Variants in TPCN2 observed in about 807,000 individuals in gnomAD.
TPCN2 encodes two pore channel protein 2.
TPCN2 carries 92 observed loss-of-function variants against 111.4 expected under a neutral mutation model. That is an observed-to-expected ratio of 0.83 (90% CI 0.70 to 0.98). The LOEUF (loss-of-function observed/expected upper bound fraction) is 0.98. Ranked by LOEUF, TPCN2 falls within the 50% of genes least tolerant of loss-of-function variation. The pLI is 0.00. For synonymous variants in TPCN2, 405 were observed against 414.5 expected, an observed-to-expected ratio of 0.98 and a Z score of 0.28; for missense variants, 995 against 980.1, an observed-to-expected ratio of 1.02 and a Z score of -0.20.
chr11:69,089,938 A>G lies in TPCN2; in HGVS notation c.*1985A>G, dbSNP rs1856389723. 1 of 152,092 alleles carries G rather than the reference A, an allele frequency of 6.6e-6. No homozygotes were observed. Among genetic ancestry groups the G allele is most frequent in the Non-Finnish European group, 1.5e-5 (1 of 68,028 alleles). The allele number at this position is 152,092 out of a possible 1,614,324, so 9.4% of individuals were successfully genotyped here. A position where few individuals can be genotyped will look rare whatever the true frequency, so the allele number is the denominator to read the frequency against. ...TGTGTTTTTTTTGTTATGTACCTAC[A>G]GTTCTTTAGCTGTTTCTTTACTTTC... On this transcript the variant is annotated 3_prime_UTR_variant, in exon 25 of 25. Coordinates refer to ENST00000294309, the MANE Select transcript of TPCN2 (RefSeq NM_139075.4).
chr11:69,057,610 A>T lies in TPCN2; in HGVS notation c.462A>T (p.Lys154Asn). 6.2e-7 allele frequency: 1 copy of T among 1,614,010 alleles called. No homozygotes were observed. The highest frequency in any genetic ancestry group is 1.3e-5 in the African/African-American group (1 of 74,982). The part of the protein sequence containing the change: ...GYLFGWAHFQ[K>N]NLWLLGYLVV... ...TGTTCGGGTGGGCCCATTTCCAGAA[A>T]AACCTTTGGCTGCTGGGCTACCTCG... Residue 154 changes from lysine (K) to asparagine (N), a missense_variant, in exon 5 of 25, where the codon AAA becomes AAT. By Grantham distance (94) the Lys-to-Asn change is moderately conservative. Transcript: ENST00000294309.
chr11:69,078,706 C>T (rs201153208), intron 14 of TPCN2, 28 bp from the exon 15 acceptor site: 28 of 1,613,544 alleles, frequency 1.7e-5, no homozygotes, highest in Admixed American at 8.3e-5. Context: ...CTGGGCCAGC[C>T]GGCGAGCCCT....
rs1590704112 is a variant in TPCN2 at position 69,054,761 on chromosome 11, G to A, written c.215G>A (p.Trp72Ter). The A allele has an allele frequency of 6.2e-7, 1 of 1,614,192 alleles. No homozygotes were observed. Among genetic ancestry groups the A allele is most frequent in the East Asian group, 2.2e-5 (1 of 44,884 alleles). The stretch of plus-strand genomic sequence containing the variant: ...CACCGGGTGGATGCCAGCTCGATGT[G>A]GCTTTACCGACGGTATTACTCGAAC... ...INHRVDASSM[W>*]LYRRYYSNVC... The change falls in exon 3 of 25, where the codon TGG (tryptophan) becomes TAG (stop). Residue 72 changes from tryptophan (W) to a stop codon, truncating the protein, a stop_gained. Transcript: ENST00000294309. LOFTEE classifies it high-confidence loss of function.
At chr11:69,060,540 C>T (rs189955173) in intron 5 of TPCN2, among the ~76,000 whole-genome samples, 255 of 152,356 alleles carry the variant, frequency 1.7e-3, no homozygotes, top group Middle Eastern at 3.4e-3. Context: ...GGTTTTTCCT[C>T]AAGGCCTTGG....
Position 69,049,066 on chromosome 11 carries a change from G to C in TPCN2, c.69G>C (p.Pro23=). Residue 23 remains proline (P), a synonymous_variant, in exon 1 of 25, where the codon CCG becomes CCC. Transcript: ENST00000294309. ...CCCGCGGCGGTGGCGGCGACTGGCC[G>C]GCGGGGCTGACCACTTACCGCAGCA... The part of the protein sequence containing the change: ...GGARGGGGDW[P]AGLTTYRSIQ... 5 of 1,242,692 alleles carry C rather than the reference G, an allele frequency of 4.0e-6. No individual in the cohort carries two copies. Among genetic ancestry groups the C allele is most frequent in the Non-Finnish European group, 5.1e-6 (5 of 988,586 alleles). 77.0% of individuals were successfully genotyped at this position (1,242,692 alleles called of 1,614,324 possible).
chr11:69,081,180 C>T (rs549277104), intron 17 of TPCN2, among the ~76,000 whole-genome samples: 3 of 152,142 alleles, frequency 2.0e-5, no homozygotes, highest in Admixed American at 6.5e-5. Flanking sequence ...GGATGGGGGT[C>T]GCTCCGGGGC....
At chr11:69,054,311 G>T in intron 2 of TPCN2, 1 of 591,664 alleles carries the variant, frequency 1.7e-6, no homozygotes. Context: ...GATGCACCGT[G>T]TTCTGAGGCC....
chr11:69,070,429 G>C lies in TPCN2; in HGVS notation c.830-1G>C. The C allele has an allele frequency of 2.5e-6, 4 of 1,610,886 alleles. No homozygotes were observed. Among genetic ancestry groups the C allele is most frequent in the Non-Finnish European group, 3.4e-6 (4 of 1,178,650 alleles). On this transcript the variant is annotated splice_acceptor_variant, in intron 8 of 24. Coordinates refer to ENST00000294309, the MANE Select transcript of TPCN2 (RefSeq NM_139075.4). LOFTEE classifies it high-confidence loss of function. ...TTTCTGTTATTTCTTTTTTCTTTTA[G>C]TGATGATTCCTGCGTATTCCAAGAA...
At chr11:69,074,395 C>T (rs1855665179) in intron 13 of TPCN2, among the ~76,000 whole-genome samples, 1 of 152,256 alleles carries the variant, frequency 6.6e-6, no homozygotes, top group African/African-American at 2.4e-5. Context: ...CGCCATCAAA[C>T]CTCTGTTTGG....
At chr11:69,081,349 C>T in intron 17 of TPCN2, 51 bp from the exon 18 acceptor site, 1 of 1,333,980 alleles carries the variant, frequency 7.5e-7, no homozygotes, top group South Asian at 1.3e-5. Context: ...TTGTCTCCTC[C>T]CTGTGGGGCT....
In TPCN2 at chr11:69,083,989, C is replaced by G. The variant is rs1226255254; in HGVS notation, c.1734C>G (p.Asn578Lys). The change falls in exon 19 of 25, where the codon AAC becomes AAG. Residue 578 changes from asparagine (N) to lysine (K), a missense_variant. Asn to Lys is a moderately conservative substitution (Grantham distance 94). Coordinates refer to ENST00000294309, the MANE Select transcript of TPCN2 (RefSeq NM_139075.4). The stretch of plus-strand genomic sequence containing the variant: ...GTACCGTCCTGGGCCTGGTGCAGAA[C>G]ATGCGTGCGTTTGGCGGGATCCTGG... ...VASTVLGLVQNMRAFGGILVV... is the reference protein window; with the variant it reads ...VASTVLGLVQKMRAFGGILVV... 6.2e-7 allele frequency: 1 copy of G among 1,614,168 alleles called. No individual in the cohort carries two copies. The highest frequency in any genetic ancestry group is 1.3e-5 in the African/African-American group (1 of 75,046).
intron 7 of TPCN2, among the ~76,000 whole-genome samples, chr11:69,065,386 C>T (rs1471579788): frequency 6.6e-6 from 1 of 152,182 alleles, no homozygotes; most frequent in Non-Finnish European, 1.5e-5. Context: ...AGCCGAGTGT[C>T]CCATCCTGAG....
At chr11:69,067,709 T>C in intron 8 of TPCN2, 104 bp downstream of exon 8, 1 of 898,336 alleles carries the variant, frequency 1.1e-6, no homozygotes, top group South Asian at 1.6e-5. Flanking sequence ...TTCTGAGGCC[T>C]TTTTTTCGAT....
Position 69,079,008 on chromosome 11 carries a change from C to T in TPCN2, c.1527C>T (p.Thr509=), listed in dbSNP as rs756854086. The stretch of plus-strand genomic sequence containing the variant: ...GCAACGTGTTTGACGGGCTCCTCAC[C>T]GTTGTCCTGCTGGTAAAGTAGGCGC... The part of the protein sequence containing the change: ...YPSNVFDGLL[T]VVLLVLEIST... Residue 509 remains threonine (T), a synonymous_variant, in exon 16 of 25, where the codon ACC becomes ACT. Coordinates refer to ENST00000294309, the MANE Select transcript of TPCN2 (RefSeq NM_139075.4). 9.9e-6 allele frequency: 16 copies of T among 1,611,066 alleles called. No individual in the cohort carries two copies. The highest frequency in any genetic ancestry group is 1.6e-4 in the Middle Eastern group (1 of 6,072).
intron 9 of TPCN2, among the ~76,000 whole-genome samples, 153 bp from the exon 10 acceptor site, chr11:69,071,203 C>T (rs1032199626): frequency 6.6e-6 from 1 of 152,194 alleles, no homozygotes; most frequent in Non-Finnish European, 1.5e-5. Flanking sequence ...CCATTGACCT[C>T]GTCATCCTCC....
intron 14 of TPCN2, 44 bp from the exon 15 acceptor site, chr11:69,078,690 G>A (rs375846657): frequency 3.8e-5 from 62 of 1,613,270 alleles, no homozygotes; most frequent in African/African-American, 1.7e-4. Flanking sequence ...CTCGCCCAGC[G>A]CTGTGCTGGG....
In TPCN2 at chr11:69,087,098, C is replaced by A; in HGVS notation, c.2086-14C>A. On this transcript the variant is annotated splice_polypyrimidine_tract_variant and intron_variant, in intron 23 of 24. Coordinates refer to ENST00000294309, the MANE Select transcript of TPCN2 (RefSeq NM_139075.4). Reference sequence around the variant, plus strand: ...CGGGGCCCACACTCACTGGCCACTCCTCCTGCTTGCCAGAACTTCCTTCAC... The same window carrying A: ...CGGGGCCCACACTCACTGGCCACTCATCCTGCTTGCCAGAACTTCCTTCAC... 1 of 1,612,450 alleles carries A rather than the reference C, an allele frequency of 6.2e-7. No homozygotes were observed. Among genetic ancestry groups the A allele is most frequent in the Middle Eastern group, 1.7e-4 (1 of 6,052 alleles).
intron 18 of TPCN2, among the ~76,000 whole-genome samples, chr11:69,082,525 G>T (rs571081642): frequency 6.6e-6 from 1 of 151,888 alleles, no homozygotes; most frequent in Non-Finnish European, 1.5e-5. Context: ...TGCACACATC[G>T]CATGCAGATA....
Position 69,055,019 on chromosome 11 carries a change from A to T in TPCN2, c.252-156A>T, listed in dbSNP as rs1008372314. The T allele has an allele frequency of 4.3e-6, 4 of 922,638 alleles. No individual in the cohort carries two copies. The South Asian group carries it at 6.4e-5, about 15-fold the overall frequency. The allele number at this position is 922,638 out of a possible 1,614,324, so 57.2% of individuals were successfully genotyped here. On this transcript the variant is annotated intron_variant, in intron 3 of 24. Transcript: ENST00000294309. ...GGAATGCTGTGGTCAGCCCTCGGCA[A>T]TGGAGCTTTGAGCAGATTCGTGATC...
Sources: gnomAD v4.1 joint callset for allele counts (sites outside exome capture counted in the v4.1 genomes callset) on GRCh38, gnomAD v4.1.1 for gene constraint, MANE v1.5 for transcripts, NCBI Gene and HGNC (gene_info 2026-07-23, HGNC 2026-07-21) for gene names.